Variants in ATL1 observed in about 807,000 individuals in gnomAD.
ATL1 encodes atlastin GTPase 1, also known as atlastin-1.
Under a neutral mutation model 75.5 loss-of-function variants are expected in ATL1, and 31 were observed. The ratio of observed to expected loss-of-function variants is 0.41; its 90% CI spans 0.31 to 0.55. ATL1 has a LOEUF of 0.55. Among genes scored for constraint, ATL1 ranks in the 20% least tolerant of loss-of-function variants. The pLI is 0.27. For synonymous variants in ATL1, 226 were observed against 233.3 expected (o/e 0.97, Z 0.28); for missense variants, 405 against 662.6 (o/e 0.61, Z 4.27).
intron 5 of ATL1, among the ~76,000 whole-genome samples, chr14:50,594,762 A>T (rs955818870): frequency 1.6e-4 from 24 of 152,202 alleles, no homozygotes; most frequent in African/African-American, 5.8e-4. Flanking sequence ...TAGGAGGCTG[A>T]GGCAGGTAGA....
intron 11 of ATL1, among the ~76,000 whole-genome samples, chr14:50,627,391 TG>T (rs1203581857): frequency 6.6e-6 from 1 of 152,240 alleles, no homozygotes; most frequent in Non-Finnish European, 1.5e-5. Flanking sequence ...GAACCAAACA[TG>T]TATTATCTCT....
chr14:50,574,929 GTGTGTGTGTATA>G (rs1345903717), intron 1 of ATL1, among the ~76,000 whole-genome samples: 24 of 93,450 alleles, frequency 2.6e-4, no homozygotes, highest in Admixed American at 1.1e-3. Context: ...GTGTGTGTGT[GTGTGTGTGTATA>G]TATATATATA....
intron 1 of ATL1, among the ~76,000 whole-genome samples, chr14:50,575,119 A>G (rs910716878): frequency 6.6e-6 from 1 of 151,044 alleles, no homozygotes; most frequent in South Asian, 2.1e-4. Flanking sequence ...TCTATTAGCC[A>G]TTTATATTTC....
intron 6 of ATL1, among the ~76,000 whole-genome samples, chr14:50,609,739 T>C (rs2039346700): frequency 6.6e-6 from 1 of 152,098 alleles, no homozygotes; most frequent in Non-Finnish European, 1.5e-5. Flanking sequence ...AGCAGCACTT[T>C]GAGCATTATA....
At chr14:50,540,015 A>G (rs968877892) in intron 1 of ATL1, among the ~76,000 whole-genome samples, 8 of 152,236 alleles carry the variant, frequency 5.3e-5, no homozygotes, top group Non-Finnish European at 7.3e-5. Context: ...CAAGGCATTG[A>G]ATGAGGGAGA....
intron 1 of ATL1, among the ~76,000 whole-genome samples, chr14:50,575,194 A>T (rs1382078282): frequency 4.6e-5 from 7 of 151,526 alleles, no homozygotes; most frequent in Non-Finnish European, 8.8e-5. Flanking sequence ...TGCCCTCATC[A>T]TCATGTCATT....
In ATL1 at chr14:50,613,247, A is replaced by T; in HGVS notation, c.631-12A>T. ...AAAGTCCTCATATCAATCCTTTCTT[A>T]TTATTTTTTAGAGTCTGATATTTCT... On this transcript the variant is annotated splice_polypyrimidine_tract_variant and intron_variant, in intron 6 of 13. Coordinates refer to ENST00000358385, the MANE Select transcript of ATL1 (RefSeq NM_015915.5). 1 of 1,603,186 alleles carries T rather than the reference A, an allele frequency of 6.2e-7. No homozygotes were observed. Among genetic ancestry groups the T allele is most frequent in the Non-Finnish European group, 8.5e-7 (1 of 1,171,102 alleles).
intron 1 of ATL1, among the ~76,000 whole-genome samples, chr14:50,577,911 C>A (rs3015461): frequency 0.29 from 44,806 of 151,956 alleles, 9,366 homozygotes; most frequent in African/African-American, 0.6. Flanking sequence ...TAGTTGATAG[C>A]CATTTAGAGT....
intron 13 of ATL1, chr14:50,630,996 C>T (rs182524942): frequency 4.0e-5 from 18 of 453,838 alleles, no homozygotes; most frequent in Admixed American, 2.4e-4. Context: ...CGGTGGCTCA[C>T]GCCTGTAATC....
At chr14:50,593,660 G>T (rs531475292) in intron 4 of ATL1, among the ~76,000 whole-genome samples, 186 bp from the exon 5 acceptor site, 1 of 152,212 alleles carries the variant, frequency 6.6e-6, no homozygotes, top group South Asian at 2.1e-4. Flanking sequence ...TATAATCATT[G>T]TTCATTCCTT....
intron 6 of ATL1, among the ~76,000 whole-genome samples, chr14:50,601,397 T>A (rs985680679): frequency 6.6e-6 from 1 of 152,190 alleles, no homozygotes; most frequent in Non-Finnish European, 1.5e-5. Flanking sequence ...AAAGCAATAT[T>A]GAAGTGCAAG....
At chr14:50,631,176 C>T in intron 13 of ATL1, 1 of 205,140 alleles carries the variant, frequency 4.9e-6, no homozygotes, top group Non-Finnish European at 1.0e-5. Context: ...AAGAGAATAG[C>T]TTGAACCTGG....
intron 1 of ATL1, among the ~76,000 whole-genome samples, chr14:50,574,937 G>GTGTGTGTA (rs1475087119): frequency 2.6e-4 from 6 of 23,156 alleles, no homozygotes; most frequent in Non-Finnish European, 4.7e-4. Context: ...GTGTGTGTGT[G>GTGTGTGTA]TATATATATA....
chr14:50,616,776 A>G (rs1000106152), intron 8 of ATL1, among the ~76,000 whole-genome samples: 1 of 152,268 alleles, frequency 6.6e-6, no homozygotes, highest in African/African-American at 2.4e-5. Context: ...CATTTTAATG[A>G]GACTTTTATA....
At chr14:50,543,031 A>G (rs1372831183) in intron 1 of ATL1, among the ~76,000 whole-genome samples, 4 of 152,230 alleles carry the variant, frequency 2.6e-5, no homozygotes, top group African/African-American at 9.6e-5. Context: ...GAATGTGAAA[A>G]TAACTGTGAA....
chr14:50,628,714 T>C (rs867445606), intron 12 of ATL1: 6 of 544,298 alleles, frequency 1.1e-5, no homozygotes, highest in South Asian at 6.9e-5. Flanking sequence ...GTATATATAC[T>C]TTTTTTTCTT....
intron 1 of ATL1, among the ~76,000 whole-genome samples, chr14:50,543,587 G>C (rs1016631856): frequency 1.3e-5 from 2 of 152,150 alleles, no homozygotes; most frequent in African/African-American, 4.8e-5. Context: ...CCATCACTCA[G>C]GAACAGCTAG....
intron 1 of ATL1, among the ~76,000 whole-genome samples, chr14:50,565,671 T>A (rs549337148): frequency 2.8e-4 from 43 of 152,296 alleles, no homozygotes; most frequent in African/African-American, 9.6e-4. Context: ...GACTCAAGGG[T>A]TACACCTTTG....
At chr14:50,551,522 C>G (rs574654666) in intron 1 of ATL1, among the ~76,000 whole-genome samples, 1 of 152,226 alleles carries the variant, frequency 6.6e-6, no homozygotes, top group Non-Finnish European at 1.5e-5. Flanking sequence ...CTAAATCATT[C>G]TTTGAAGGCA....
Sources: gnomAD v4.1 joint callset for allele counts (sites outside exome capture counted in the v4.1 genomes callset) on GRCh38, gnomAD v4.1.1 for gene constraint, MANE v1.5 for transcripts, NCBI Gene and HGNC (gene_info 2026-07-23, HGNC 2026-07-21) for gene names.